Variants in CDH13 observed in about 807,000 individuals in gnomAD.
The protein encoded by CDH13 is cadherin-13.
In CDH13, 24 loss-of-function variants were observed where a neutral mutation model predicts 63.8. The ratio of observed to expected loss-of-function variants is 0.38; its 90% confidence interval spans 0.27 to 0.53. The LOEUF is 0.53. CDH13 is among the 20% of genes least tolerant of loss of function. The pLI, the probability that CDH13 is intolerant of heterozygous loss-of-function variation, is 0.85. For synonymous variants in CDH13, 503 were observed against 355.3 expected, an observed-to-expected ratio of 1.42 and a Z score of -4.67; for missense variants, 1,049 against 903.1, an observed-to-expected ratio of 1.16 and a Z score of -2.07.
intron 2 of CDH13, among the ~76,000 whole-genome samples, chr16:82,970,171 A>G (rs1908496894): frequency 1.3e-5 from 2 of 152,128 alleles, no homozygotes; most frequent in South Asian, 4.1e-4. Context: ...GAATGAGAAC[A>G]TGTGGTATTT....
At chr16:83,780,889 A>G (rs993103172) in intron 12 of CDH13, among the ~76,000 whole-genome samples, 1 of 152,212 alleles carries the variant, frequency 6.6e-6, no homozygotes, top group Non-Finnish European at 1.5e-5. Context: ...AACTTTCACC[A>G]GCGCATTGGA....
chr16:82,911,043 C>A (rs376986992), intron 2 of CDH13, among the ~76,000 whole-genome samples: 3 of 152,166 alleles, frequency 2.0e-5, no homozygotes, highest in African/African-American at 7.2e-5. Context: ...CAGAGTAAGG[C>A]AGACCCATCC....
At position 83,798,044 on chromosome 16, in the gene CDH13, A is replaced by T. The variant is rs1364049014; in HGVS notation, c.*3014A>T. The stretch of plus-strand genomic sequence containing the variant: ...CTAAGCATTATAACGAAATAAATCC[A>T]GCCAGATTTCATGGTAGGTATCAAA... On this transcript the variant is annotated 3_prime_UTR_variant, in exon 14 of 14. Transcript: ENST00000567109. 1 of 152,238 alleles carries T rather than the reference A, an allele frequency of 6.6e-6. No individual in the cohort carries two copies. The highest frequency in any genetic ancestry group is 1.5e-5 in the Non-Finnish European group (1 of 68,050). The allele number at this position is 152,238 out of a possible 1,614,324, so 9.4% of individuals were successfully genotyped here.
intron 7 of CDH13, among the ~76,000 whole-genome samples, chr16:83,550,909 A>G (rs529376349): frequency 1.3e-5 from 2 of 151,916 alleles, no homozygotes; most frequent in Non-Finnish European, 2.9e-5. Flanking sequence ...TCTCTTCCCC[A>G]CCAAGCTCTG....
chr16:82,857,405 GA>G (rs2039746502), intron 1 of CDH13, among the ~76,000 whole-genome samples: 1 of 152,212 alleles, frequency 6.6e-6, no homozygotes, highest in Admixed American at 6.5e-5. Flanking sequence ...GTGCTCAGTA[GA>G]ACCAGTGGTT....
chr16:83,574,510 A>C (rs896980693), intron 7 of CDH13, among the ~76,000 whole-genome samples: 3 of 152,144 alleles, frequency 2.0e-5, no homozygotes, highest in Non-Finnish European at 4.4e-5. Flanking sequence ...TGTCACTTAC[A>C]GTTGCTGCTC....
At chr16:83,169,402 C>G (rs1429484308) in intron 4 of CDH13, among the ~76,000 whole-genome samples, 1 of 152,070 alleles carries the variant, frequency 6.6e-6, no homozygotes, top group Non-Finnish European at 1.5e-5. Flanking sequence ...GTCTTGATGT[C>G]TTGACCTCAT....
At chr16:83,393,232 C>A (rs1597910104) in intron 6 of CDH13, among the ~76,000 whole-genome samples, 2 of 152,102 alleles carry the variant, frequency 1.3e-5, no homozygotes, top group South Asian at 4.2e-4. Flanking sequence ...TTTGGGTGGG[C>A]AGAGGCATTT....
chr16:82,633,527 C>T (rs1054962087), intron 1 of CDH13, among the ~76,000 whole-genome samples: 14 of 152,136 alleles, frequency 9.2e-5, no homozygotes, highest in Admixed American at 5.9e-4. Flanking sequence ...TACAGGTGCC[C>T]GCCACCAGGC....
intron 7 of CDH13, among the ~76,000 whole-genome samples, chr16:83,580,556 A>ATGATC (rs1266883796): frequency 7.0e-6 from 1 of 142,610 alleles, no homozygotes; most frequent in East Asian, 2.2e-4. Context: ...GTGCAGTGGT[A>ATGATC]TGATCTGAGT....
At chr16:82,912,870 G>A (rs1050877369) in intron 2 of CDH13, among the ~76,000 whole-genome samples, 30 of 152,084 alleles carry the variant, frequency 2.0e-4, no homozygotes, top group African/African-American at 6.5e-4. Context: ...GTGAACCCGG[G>A]AGGCGGAGCT....
chr16:83,618,831 T>TAA (rs11429729), intron 8 of CDH13, among the ~76,000 whole-genome samples: 6 of 148,360 alleles, frequency 4.0e-5, no homozygotes, highest in South Asian at 2.1e-4. Context: ...TCCTGTGAGT[T>TAA]AAAAAAAAAA....
At chr16:83,660,926 G>C (rs1364112) in intron 8 of CDH13, among the ~76,000 whole-genome samples, 81,802 of 119,648 alleles carry the variant, frequency 0.68, 22,769 homozygotes, top group East Asian at 0.89. Flanking sequence ...GCCTGAAATT[G>C]AAGAAAAAAA....
At chr16:83,309,348 A>G (rs1318685760) in intron 5 of CDH13, among the ~76,000 whole-genome samples, 1 of 151,418 alleles carries the variant, frequency 6.6e-6, no homozygotes, top group East Asian at 2.0e-4. Flanking sequence ...TTGAGGGTCC[A>G]GGTCAGTCTC....
intron 11 of CDH13, among the ~76,000 whole-genome samples, chr16:83,758,771 G>A (rs1174968492): frequency 6.6e-6 from 1 of 152,158 alleles, no homozygotes; most frequent in Non-Finnish European, 1.5e-5. Context: ...AAAAGATACT[G>A]TTTGCAATAT....
At chr16:83,548,440 T>G (rs1378676106) in intron 7 of CDH13, among the ~76,000 whole-genome samples, 6 of 152,146 alleles carry the variant, frequency 3.9e-5, no homozygotes, top group Non-Finnish European at 8.8e-5. Context: ...ACAGCAAAGC[T>G]TTATCTGGCC....
chr16:83,393,832 C>A (rs550488311), intron 6 of CDH13, among the ~76,000 whole-genome samples: 1 of 152,108 alleles, frequency 6.6e-6, no homozygotes, highest in Non-Finnish European at 1.5e-5. Context: ...TGGAGGGAGA[C>A]ACACAGTAAA....
intron 1 of CDH13, among the ~76,000 whole-genome samples, chr16:82,803,677 A>G (rs760184832): frequency 6.6e-6 from 1 of 152,202 alleles, no homozygotes; most frequent in South Asian, 2.1e-4. Flanking sequence ...TTGTGACAAT[A>G]TGGATGAACC....
At chr16:82,661,662 C>G (rs1435463069) in intron 1 of CDH13, among the ~76,000 whole-genome samples, 2 of 152,200 alleles carry the variant, frequency 1.3e-5, no homozygotes, top group Non-Finnish European at 2.9e-5. Flanking sequence ...TGCCTTAAGG[C>G]TAGCTTACAA....
Sources: allele counts gnomAD v4.1 joint callset (sites outside exome capture counted in the v4.1 genomes callset), GRCh38; gene constraint gnomAD v4.1.1; transcripts MANE v1.5; gene names NCBI Gene and HGNC (gene_info 2026-07-23, HGNC 2026-07-21).